Variants in DCC observed in about 807,000 individuals in gnomAD.
DCC encodes DCC netrin 1 receptor.
A neutral mutation model predicts 172.5 loss-of-function variants in DCC; 58 were observed. That is an observed-to-expected ratio of 0.34 (90% CI 0.27 to 0.42). The LOEUF (loss-of-function observed/expected upper bound fraction) is 0.42. Ranked by LOEUF, DCC falls within the 10% of genes least tolerant of loss-of-function variation. DCC has a pLI of 1.00. For synonymous variants in DCC, 709 were observed against 644.5 expected, an observed-to-expected ratio of 1.10 and a Z score of -1.52; for missense variants, 1,740 against 1,791.0, an observed-to-expected ratio of 0.97 and a Z score of 0.51.
intron 12 of DCC, among the ~76,000 whole-genome samples, chr18:53,228,985 T>C (rs1181889448): frequency 6.6e-6 from 1 of 152,182 alleles, no homozygotes; most frequent in Non-Finnish European, 1.5e-5. Context: ...TCCAGCATTA[T>C]GACTTGTATT....
chr18:53,128,532 A>G (rs898194088), intron 7 of DCC, among the ~76,000 whole-genome samples: 6 of 151,400 alleles, frequency 4.0e-5, no homozygotes, highest in Non-Finnish European at 8.8e-5. Context: ...TTCTTCTGAA[A>G]CTCTTAGTAC....
At chr18:52,551,310 T>C (rs1476811485) in intron 1 of DCC, among the ~76,000 whole-genome samples, 1 of 152,024 alleles carries the variant, frequency 6.6e-6, no homozygotes, top group African/African-American at 2.4e-5. Context: ...GGTAGAATCA[T>C]ACTTCTGAAA....
At chr18:53,444,717 A>G (rs1243603400) in intron 22 of DCC, among the ~76,000 whole-genome samples, 1 of 152,244 alleles carries the variant, frequency 6.6e-6, no homozygotes, top group African/African-American at 2.4e-5. Context: ...TGCACACTTA[A>G]TAGACTACAG....
chr18:52,522,624 T>G (rs1486140945), intron 1 of DCC, among the ~76,000 whole-genome samples: 2 of 152,202 alleles, frequency 1.3e-5, no homozygotes, highest in Non-Finnish European at 2.9e-5. Flanking sequence ...CTGTCCCAAG[T>G]GCCACTTTAT....
intron 15 of DCC, among the ~76,000 whole-genome samples, chr18:53,365,021 G>T (rs1001519031): frequency 2.6e-5 from 4 of 151,524 alleles, no homozygotes; most frequent in Non-Finnish European, 4.4e-5. Context: ...AGCAAACTGC[G>T]CCCATTAACT....
chr18:53,043,218 C>T (rs2144006440), intron 5 of DCC, among the ~76,000 whole-genome samples: 1 of 150,470 alleles, frequency 6.6e-6, no homozygotes, highest in Admixed American at 6.7e-5. Context: ...AACCCAAGAA[C>T]AGAAAACCAA....
intron 2 of DCC, among the ~76,000 whole-genome samples, chr18:52,856,496 G>A (rs761232853): frequency 2.0e-4 from 31 of 151,566 alleles, no homozygotes; most frequent in Non-Finnish European, 4.3e-4. Flanking sequence ...CGTGGTGGCG[G>A]GCACCTGTAG....
rs144070060 is a variant in DCC at position 53,081,879 on chromosome 18, C to G, written c.1261+15713C>G. Among the ~76,000 whole-genome samples, 26 of 152,152 alleles carry G rather than the reference C, an allele frequency of 1.7e-4. No individual in the cohort carries two copies. The East Asian group carries it at 5.0e-3, about 29-fold the overall frequency. ...CACATAACTATTCTTTCCCTTGAAA[C>G]ATGGAAATTTGGGTGTGGGAATTGG... On this transcript the variant is annotated intron_variant, in intron 7 of 28. Coordinates refer to ENST00000442544, the MANE Select transcript of DCC (RefSeq NM_005215.4).
intron 5 of DCC, among the ~76,000 whole-genome samples, chr18:52,935,738 T>C (rs1008703198): frequency 3.9e-5 from 6 of 152,122 alleles, no homozygotes; most frequent in African/African-American, 9.7e-5. Context: ...AGATCAACCA[T>C]GTTGAGTTTT....
intron 13 of DCC, among the ~76,000 whole-genome samples, chr18:53,314,105 C>T (rs565237559): frequency 1.4e-4 from 22 of 152,166 alleles, no homozygotes; most frequent in Non-Finnish European, 3.1e-4. Flanking sequence ...TACTTAATCA[C>T]GTTAGATAGG....
intron 2 of DCC, among the ~76,000 whole-genome samples, chr18:52,866,159 G>T (rs182974457): frequency 4.6e-5 from 7 of 152,022 alleles, no homozygotes; most frequent in Non-Finnish European, 7.4e-5. Context: ...AATCCTTTCC[G>T]CACTGCTTGT....
intron 15 of DCC, among the ~76,000 whole-genome samples, chr18:53,357,009 C>T (rs2057885806): frequency 6.6e-6 from 1 of 152,242 alleles, no homozygotes; most frequent in Middle Eastern, 3.4e-3. Context: ...CTCAAAATTA[C>T]TGTTTTACAT....
chr18:52,604,980 G>C (rs2144824693), intron 1 of DCC, among the ~76,000 whole-genome samples: 1 of 151,546 alleles, frequency 6.6e-6, no homozygotes, highest in East Asian at 1.9e-4. Context: ...ACACTCATCT[G>C]TTTGGGGCAA....
intron 1 of DCC, among the ~76,000 whole-genome samples, chr18:52,458,361 TC>T: frequency 6.6e-6 from 1 of 152,086 alleles, no homozygotes; most frequent in Middle Eastern, 3.2e-3. Context: ...AGACTCATTG[TC>T]CCCCCCTGAC....
At chr18:53,181,040 C>T (rs192057908) in intron 9 of DCC, among the ~76,000 whole-genome samples, 22 of 152,246 alleles carry the variant, frequency 1.4e-4, no homozygotes, top group African/African-American at 4.3e-4. Context: ...ATATAATACA[C>T]ACACACTATA....
At chr18:52,720,859 C>T (rs1293983898) in intron 1 of DCC, among the ~76,000 whole-genome samples, 1 of 152,132 alleles carries the variant, frequency 6.6e-6, no homozygotes, top group Admixed American at 6.5e-5. Context: ...CTGCTGTTTC[C>T]TACTCCTTGT....
intron 1 of DCC, among the ~76,000 whole-genome samples, chr18:52,502,487 T>C (rs1424697895): frequency 6.6e-6 from 1 of 152,210 alleles, no homozygotes; most frequent in African/African-American, 2.4e-5. Context: ...TACTGGGTGA[T>C]ATCCTTGCCT....
At chr18:53,061,143 A>G (rs2042489445) in intron 5 of DCC, among the ~76,000 whole-genome samples, 1 of 152,136 alleles carries the variant, frequency 6.6e-6, no homozygotes, top group African/African-American at 2.4e-5. Flanking sequence ...TCTCGAGGTT[A>G]TAGATGAGGA....
At chr18:52,971,266 A>G (rs550807555) in intron 5 of DCC, among the ~76,000 whole-genome samples, 3 of 152,256 alleles carry the variant, frequency 2.0e-5, no homozygotes, top group Admixed American at 1.3e-4. Flanking sequence ...ATCAGAGCTT[A>G]CCACTTTGTA....
Sources: allele counts gnomAD v4.1 joint callset (sites outside exome capture counted in the v4.1 genomes callset), GRCh38; gene constraint gnomAD v4.1.1; transcripts MANE v1.5; gene names NCBI Gene and HGNC (gene_info 2026-07-23, HGNC 2026-07-21).